Variants in LAMB3 observed in about 807,000 individuals in gnomAD.
LAMB3 encodes laminin subunit beta-3.
Under a neutral mutation model 140.3 loss-of-function variants are expected in LAMB3, and 104 were observed. The observed-to-expected ratio is 0.74, with a 90% confidence interval of 0.63 to 0.87. LAMB3 has a LOEUF of 0.87. Ranked by LOEUF, LAMB3 falls within the 40% of genes least tolerant of loss-of-function variation. The pLI is 0.00. For synonymous variants in LAMB3, 592 were observed against 602.9 expected (o/e 0.98, Z 0.26); for missense variants, 1,531 against 1,575.2 (o/e 0.97, Z 0.47).
At chr1:209,651,046 C>A (rs2102467963) in intron 1 of LAMB3, 65 bp from the exon 2 acceptor site, 1 of 1,076,478 alleles carries the variant, frequency 9.3e-7, no homozygotes, top group Non-Finnish European at 1.5e-6. Context: ...AGCCCTTTTT[C>A]TTTTCTGTTT....
At chr1:209,647,099 G>C (rs1401984552) in intron 3 of LAMB3, among the ~76,000 whole-genome samples, 2 of 152,262 alleles carry the variant, frequency 1.3e-5, no homozygotes, top group South Asian at 2.1e-4. Flanking sequence ...AGCCCAGAAG[G>C]GCAAAGTTGG....
intron 3 of LAMB3, among the ~76,000 whole-genome samples, chr1:209,641,926 T>C (rs965132523): frequency 1.2e-4 from 19 of 152,150 alleles, no homozygotes; most frequent in Admixed American, 7.9e-4. Flanking sequence ...GCACATGTCC[T>C]GAGGAGAGAC....
intron 3 of LAMB3, among the ~76,000 whole-genome samples, chr1:209,640,683 CTATT>C (rs1353250239): frequency 2.6e-5 from 4 of 152,114 alleles, no homozygotes; most frequent in Non-Finnish European, 4.4e-5. Context: ...TATTTACTGT[CTATT>C]TATTTATTTG....
In LAMB3 at chr1:209,615,067, T is replaced by C. The variant is rs145792505; in HGVS notation, c.*204A>G. 15 of 595,258 alleles carry C rather than the reference T, an allele frequency of 2.5e-5. No individual in the cohort carries two copies. In the East Asian group the frequency reaches 4.4e-4, roughly 17 times the overall value. 36.9% of individuals were successfully genotyped at this position (595,258 alleles called of 1,614,324 possible). A position where few individuals can be genotyped will look rare whatever the true frequency, so the allele number is the denominator to read the frequency against. On this transcript the variant is annotated 3_prime_UTR_variant, in exon 23 of 23. Coordinates refer to ENST00000356082, the MANE Select transcript of LAMB3 (RefSeq NM_000228.3). Reference sequence around the variant, plus strand: ...AATGGCATGCCAATCTCCACCATCTTTGTCTGTCAAGTGTAACTGTCCCAT... The same window carrying C: ...AATGGCATGCCAATCTCCACCATCTCTGTCTGTCAAGTGTAACTGTCCCAT...
At chr1:209,646,282 C>T (rs1250277617) in intron 3 of LAMB3, among the ~76,000 whole-genome samples, 7 of 152,220 alleles carry the variant, frequency 4.6e-5, no homozygotes, top group African/African-American at 9.6e-5. Flanking sequence ...TGCCTTCACA[C>T]GCCCTGAGAG....
chr1:209,623,378 G>C lies in LAMB3; in HGVS notation c.2358+127C>G. ...GCTCACAGTGAGCAGTACAAGGGTCGGGATGGCTGGGGGAGTGGGGTTCTC... is the reference window on the plus strand; with the variant it reads ...GCTCACAGTGAGCAGTACAAGGGTCCGGATGGCTGGGGGAGTGGGGTTCTC... On this transcript the variant is annotated intron_variant, in intron 16 of 22. Transcript: ENST00000356082. This position sits in a 1 kb window ranked among gnomAD's most constrained non-coding sequence, Gnocchi z 4.2. 9.3e-7 allele frequency: 1 copy of C among 1,071,998 alleles called. No homozygotes were observed. The highest frequency in any genetic ancestry group is 1.4e-6 in the Non-Finnish European group (1 of 701,052). The allele number at this position is 1,071,998 out of a possible 1,614,324, so 66.4% of individuals were successfully genotyped here.
intron 8 of LAMB3, among the ~76,000 whole-genome samples, chr1:209,632,081 G>A (rs919876184): frequency 1.3e-5 from 2 of 152,138 alleles, no homozygotes; most frequent in South Asian, 2.1e-4. Context: ...AAGCCAATCC[G>A]CCTGGTCTAG....
At position 209,626,015 on chromosome 1, in the gene LAMB3, C is replaced by T. The variant is rs780641517; in HGVS notation, c.1609G>A (p.Asp537Asn). ...CCCGGGCCCTCTGTTCCCCGGAAAT[C>T]ACAGTCACAGGCTAGGGCCAAGAAA... is the stretch of plus-strand genomic sequence containing the variant. ...VATGCRACDCDFRGTEGPGCD... is the reference protein window; with the variant it reads ...VATGCRACDCNFRGTEGPGCD... Residue 537 changes from aspartate (D) to asparagine (N), a missense_variant, in exon 14 of 23, where the codon GAT (aspartate) becomes AAT (asparagine). Transcript: ENST00000356082. 1 of 1,612,900 alleles carries T rather than the reference C, an allele frequency of 6.2e-7. No individual in the cohort carries two copies.
intron 22 of LAMB3, 150 bp downstream of exon 22, chr1:209,616,321 A>G (rs1665960500): frequency 7.7e-6 from 7 of 904,306 alleles, no homozygotes; most frequent in Non-Finnish European, 1.3e-5. Flanking sequence ...CCCCAGCCTC[A>G]TACATGCTAG....
At chr1:209,651,647 A>G (rs1379673263) in intron 1 of LAMB3, among the ~76,000 whole-genome samples, 1 of 152,158 alleles carries the variant, frequency 6.6e-6, no homozygotes, top group Non-Finnish European at 1.5e-5. Flanking sequence ...CTGGGGCTCG[A>G]CAAGAGGGGT....
chr1:209,648,529 T>C (rs111524852), intron 3 of LAMB3, among the ~76,000 whole-genome samples: 2,543 of 152,324 alleles, frequency 0.017, 72 homozygotes, highest in African/African-American at 0.058. Flanking sequence ...AGACTCTGTT[T>C]TATAAGCACC....
chr1:209,632,330 ACTCC>A (rs1666720507), intron 8 of LAMB3, among the ~76,000 whole-genome samples: 1 of 152,196 alleles, frequency 6.6e-6, no homozygotes, highest in Non-Finnish European at 1.5e-5. Flanking sequence ...ATTGGCTTAA[ACTCC>A]CTCCCAATTT....
intron 18 of LAMB3, among the ~76,000 whole-genome samples, 170 bp downstream of exon 18, chr1:209,622,365 AG>A (rs1253451415): frequency 2.0e-5 from 3 of 152,084 alleles, no homozygotes; most frequent in Non-Finnish European, 4.4e-5. Flanking sequence ...GTGGGTGGGG[AG>A]GGCAGACGGG....
At chr1:209,620,863 C>T (rs1460226257) in intron 18 of LAMB3, among the ~76,000 whole-genome samples, 1 of 152,210 alleles carries the variant, frequency 6.6e-6, no homozygotes, top group Non-Finnish European at 1.5e-5. Flanking sequence ...CCTCCACAGA[C>T]TTTCCACTCT....
rs753711190 is a variant in LAMB3 at position 209,629,891 on chromosome 1, GT to G, written c.977del (p.His326ProfsTer70). 1.8e-5 allele frequency: 29 copies of G among 1,614,018 alleles called. No individual in the cohort carries two copies. Among genetic ancestry groups the G allele is most frequent in the Non-Finnish European group, 2.4e-5 (28 of 1,179,966 alleles). ...CDCNGHSETC[H>X]FDPAVFAASQ... ...TGGCGGCAAACACAGCGGGGTCAAA[GT>G]GACATGTCTCTGAGTGCCCATTGCA... On this transcript the variant is annotated frameshift_variant, in exon 10 of 23. Coordinates refer to ENST00000356082, the MANE Select transcript of LAMB3 (RefSeq NM_000228.3). LOFTEE classifies it high-confidence loss of function.
chr1:209,651,364 C>A (rs1043263651), intron 1 of LAMB3: 2 of 233,098 alleles, frequency 8.6e-6, no homozygotes, highest in South Asian at 5.8e-5. Flanking sequence ...CTAGTTCCAG[C>A]CCCAAGAGAG....
At chr1:209,650,560 T>C (rs2076556345) in intron 2 of LAMB3, among the ~76,000 whole-genome samples, 1 of 152,238 alleles carries the variant, frequency 6.6e-6, no homozygotes, top group African/African-American at 2.4e-5. Context: ...GCCCCAGCCA[T>C]ACTTTGTGAG....
chr1:209,619,384 C>A (rs529678514), intron 18 of LAMB3, among the ~76,000 whole-genome samples: 2 of 152,214 alleles, frequency 1.3e-5, no homozygotes, highest in Non-Finnish European at 2.9e-5. Context: ...CAGACCCCAG[C>A]ACAGTGCCTG....
At chr1:209,634,874 A>G (rs529179435) in intron 5 of LAMB3, among the ~76,000 whole-genome samples, 4 of 152,114 alleles carry the variant, frequency 2.6e-5, no homozygotes, top group African/African-American at 9.6e-5. Context: ...TCCAGGATAG[A>G]CATTTCTCTG....
Sources: gnomAD v4.1 joint callset for allele counts (sites outside exome capture counted in the v4.1 genomes callset) on GRCh38, gnomAD v4.1.1 for gene constraint, Gnocchi (gnomAD v3.1) non-coding constraint, MANE v1.5 for transcripts, NCBI Gene and HGNC (gene_info 2026-07-23, HGNC 2026-07-21) for gene names.